CDC42SE2: variants seen among roughly 807,000 people sequenced by gnomAD.
The protein encoded by CDC42SE2 is CDC42 small effector 2, also known as CDC42 small effector protein 2.
CDC42SE2 carries 3 observed loss-of-function variants against 11.5 expected under a neutral mutation model. The ratio of observed to expected loss-of-function variants is 0.26; its 90% confidence interval spans 0.12 to 0.67. The LOEUF (loss-of-function observed/expected upper bound fraction) is 0.67, where lower values mean the gene tolerates loss of function less well. CDC42SE2 is among the 30% of genes least tolerant of loss of function. The pLI is 0.80. For synonymous variants in CDC42SE2, 33 were observed against 34.8 expected (o/e 0.95, Z 0.18); for missense variants, 82 against 106.8 (o/e 0.77, Z 1.02).
intron 2 of CDC42SE2, among the ~76,000 whole-genome samples, chr5:131,339,829 A>T (rs1758669123): frequency 6.6e-6 from 1 of 151,826 alleles, no homozygotes; most frequent in Non-Finnish European, 1.5e-5. Flanking sequence ...AAAAAGAGAG[A>T]GAAAATTATG....
intron 3 of CDC42SE2, among the ~76,000 whole-genome samples, chr5:131,370,295 A>AACTT (rs1749981097): frequency 6.6e-6 from 1 of 152,204 alleles, no homozygotes; most frequent in African/African-American, 2.4e-5. Flanking sequence ...AGAGAAAAGA[A>AACTT]ACTTATGGTT....
chr5:131,251,886 C>T (rs774559388), intron 1 of CDC42SE2, among the ~76,000 whole-genome samples: 1 of 152,094 alleles, frequency 6.6e-6, no homozygotes, highest in Admixed American at 6.5e-5. Context: ...GTGGCACACG[C>T]CTCTGATCCT....
At chr5:131,376,207 C>T (rs979848207) in intron 3 of CDC42SE2, among the ~76,000 whole-genome samples, 1 of 149,250 alleles carries the variant, frequency 6.7e-6, no homozygotes, top group Non-Finnish European at 1.5e-5. Context: ...CCACCGCACT[C>T]CAACCTGGGT....
At chr5:131,363,912 G>T (rs888013958) in intron 3 of CDC42SE2, among the ~76,000 whole-genome samples, 3 of 150,784 alleles carry the variant, frequency 2.0e-5, no homozygotes, top group African/African-American at 7.3e-5. Flanking sequence ...CCAGGCAGAT[G>T]TCGAACTCCT....
intron 3 of CDC42SE2, among the ~76,000 whole-genome samples, chr5:131,376,547 A>T (rs976358362): frequency 1.3e-5 from 2 of 152,166 alleles, no homozygotes; most frequent in Non-Finnish European, 2.9e-5. Context: ...GGTTTATTAT[A>T]TAGGTAAACT....
rs1026120878 is a variant in CDC42SE2 at position 131,394,130 on chromosome 5, T to A, written c.*3039T>A. On this transcript the variant is annotated 3_prime_UTR_variant, in exon 5 of 5. Coordinates refer to ENST00000505065, the MANE Select transcript of CDC42SE2 (RefSeq NM_001375635.1). ...ATCTCAAGAGGTCATTTGTTCCCCA[T>A]AGCAGCATATCTCATTTTTAAATTG... The A allele has an allele frequency of 2.0e-5, 3 of 152,358 alleles. No individual in the cohort carries two copies. Among genetic ancestry groups the A allele is most frequent in the African/African-American group, 7.2e-5 (3 of 41,456 alleles). 9.4% of individuals were successfully genotyped at this position (152,358 alleles called of 1,614,324 possible).
chr5:131,384,961 CTAGT>C (rs1211192968), intron 3 of CDC42SE2, among the ~76,000 whole-genome samples: 105 of 151,434 alleles, frequency 6.9e-4, no homozygotes, highest in African/African-American at 2.4e-3. Context: ...AAGACCCAGC[CTAGT>C]TAGTCAACAG....
intron 1 of CDC42SE2, among the ~76,000 whole-genome samples, chr5:131,304,576 T>A (rs1263987495): frequency 6.6e-6 from 1 of 152,186 alleles, no homozygotes; most frequent in Non-Finnish European, 1.5e-5. Context: ...TAAATCTAAT[T>A]TCTACCAAAT....
chr5:131,232,532 A>G, the CDC42SE2 span, among the ~76,000 whole-genome samples: 17 of 152,046 alleles, frequency 1.1e-4, no homozygotes, highest in Non-Finnish European at 2.1e-4. Context: ...CAGGGATTTG[A>G]GACCAGCCTG....
intron 2 of CDC42SE2, among the ~76,000 whole-genome samples, chr5:131,334,375 A>G (rs1462252633): frequency 6.6e-6 from 1 of 152,196 alleles, no homozygotes; most frequent in Non-Finnish European, 1.5e-5. Flanking sequence ...CCAGTATTTT[A>G]TTGAGAATTT....
At chr5:131,343,208 G>A (rs1758755371) in intron 2 of CDC42SE2, among the ~76,000 whole-genome samples, 1 of 151,838 alleles carries the variant, frequency 6.6e-6, no homozygotes, top group African/African-American at 2.4e-5. Flanking sequence ...ATACAAGTTT[G>A]CCTATATTGG....
chr5:131,314,162 A>G (rs909897255), intron 1 of CDC42SE2, among the ~76,000 whole-genome samples: 2 of 152,074 alleles, frequency 1.3e-5, no homozygotes, highest in African/African-American at 4.8e-5. Flanking sequence ...TTGTTTTTGC[A>G]CATAATTTGA....
chr5:131,304,913 A>C (rs1757751098), intron 1 of CDC42SE2, among the ~76,000 whole-genome samples: 1 of 152,320 alleles, frequency 6.6e-6, no homozygotes, highest in South Asian at 2.1e-4. Context: ...TCAAGTGTTC[A>C]GCTTGATAAA....
intron 1 of CDC42SE2, among the ~76,000 whole-genome samples, chr5:131,312,815 C>T (rs940903523): frequency 6.6e-6 from 1 of 152,096 alleles, no homozygotes; most frequent in African/African-American, 2.4e-5. Flanking sequence ...ACGGTGTGCG[C>T]ACCCACTGAC....
intron 1 of CDC42SE2, among the ~76,000 whole-genome samples, chr5:131,293,350 TC>T (rs1249943832): frequency 6.6e-6 from 1 of 151,992 alleles, no homozygotes; most frequent in African/African-American, 2.4e-5. Context: ...GGCAGGCAGA[TC>T]ACCTGAGGTC....
At chr5:131,336,722 C>G (rs1722646427) in intron 2 of CDC42SE2, among the ~76,000 whole-genome samples, 1 of 152,148 alleles carries the variant, frequency 6.6e-6, no homozygotes, top group African/African-American at 2.4e-5. Context: ...TCATTCATTT[C>G]ATCTTCCATC....
chr5:131,385,083 C>A lies in CDC42SE2; in HGVS notation c.55-460C>A, dbSNP rs565741841. ...CCCCCTCCAGCTGAAATGACAGATT[C>A]ATTTTAGCATAGAAAGGTAATTGGG... is the stretch of plus-strand genomic sequence containing the variant. On this transcript the variant is annotated intron_variant, in intron 3 of 4. Transcript: ENST00000505065. Among the ~76,000 whole-genome samples the A allele has an allele frequency of 1.0e-3, 156 of 152,168 alleles. 3 individuals carry two copies. In the South Asian group the frequency reaches 0.032, roughly 31 times the overall value.
chr5:131,233,711 C>T, the CDC42SE2 span, among the ~76,000 whole-genome samples: 1 of 152,166 alleles, frequency 6.6e-6, no homozygotes, highest in African/African-American at 2.4e-5. Flanking sequence ...CCTCATTCTG[C>T]ACACTATATG....
Position 131,362,020 on chromosome 5 carries a change from C to G in CDC42SE2, c.54+2473C>G, listed in dbSNP as rs552203128. Reference sequence around the variant, plus strand: ...AGGCCCAGGATGGGGGCACGGCGGGCCAGGGTGGTCTTGGAAAATGCAACA... The same window carrying G: ...AGGCCCAGGATGGGGGCACGGCGGGGCAGGGTGGTCTTGGAAAATGCAACA... On this transcript the variant is annotated intron_variant, in intron 3 of 4. Transcript: ENST00000505065. Among the ~76,000 whole-genome samples, 192 of 152,176 alleles carry G rather than the reference C, an allele frequency of 1.3e-3. 1 individual carries two copies. The highest frequency in any genetic ancestry group is 3.9e-3 in the African/African-American group (162 of 41,522).
Sources: gnomAD v4.1 joint callset for allele counts (sites outside exome capture counted in the v4.1 genomes callset) on GRCh38, gnomAD v4.1.1 for gene constraint, MANE v1.5 for transcripts, NCBI Gene and HGNC (gene_info 2026-07-23, HGNC 2026-07-21) for gene names.